The following PRKD1 variants were observed in gnomAD, a reference collection of about 807,000 sequenced individuals.
PRKD1 encodes protein kinase D1.
In PRKD1, 63 loss-of-function variants were observed where a neutral mutation model predicts 95.9. That is an observed-to-expected ratio of 0.66 (90% CI 0.54 to 0.81). PRKD1 has a LOEUF of 0.81. Among genes scored for constraint, PRKD1 ranks in the 30% least tolerant of loss-of-function variants. The probability of loss-of-function intolerance (pLI) is 0.00; values close to 1 mark genes in which losing one functional copy is unlikely to be tolerated. For synonymous variants in PRKD1, 425 were observed against 423.1 expected (o/e 1.00, Z -0.05); for missense variants, 1,048 against 1,165.3 (o/e 0.90, Z 1.47).
chr14:29,873,913 T>C (rs893086278), intron 1 of PRKD1, among the ~76,000 whole-genome samples: 3 of 152,132 alleles, frequency 2.0e-5, no homozygotes, highest in African/African-American at 7.2e-5. Context: ...TTTATGCCAC[T>C]AGTGTGTGTG....
In PRKD1 at chr14:29,775,233, G is replaced by A. The variant is rs574269532; in HGVS notation, c.265-49559C>T. Among the ~76,000 whole-genome samples, 226 of 152,324 alleles carry A rather than the reference G, an allele frequency of 1.5e-3. 2 individuals are homozygous for A. Among genetic ancestry groups the A allele is most frequent in the African/African-American group, 5.2e-3 (216 of 41,574 alleles). Reference sequence around the variant, plus strand: ...TCCCAGTGTGAGCGACGCAGAAGGCGGGTGATTTCTGCATTTCCAACTGAG... The same window carrying A: ...TCCCAGTGTGAGCGACGCAGAAGGCAGGTGATTTCTGCATTTCCAACTGAG... On this transcript the variant is annotated intron_variant, in intron 1 of 17. Transcript: ENST00000331968.
intron 1 of PRKD1, among the ~76,000 whole-genome samples, chr14:29,854,392 G>C (rs1044380503): frequency 6.6e-6 from 1 of 152,176 alleles, no homozygotes; most frequent in South Asian, 2.1e-4. Context: ...TAGTAAAGAT[G>C]CTGGTGGCAT....
At chr14:29,839,383 A>G (rs1365463142) in intron 1 of PRKD1, among the ~76,000 whole-genome samples, 1 of 152,230 alleles carries the variant, frequency 6.6e-6, no homozygotes, top group African/African-American at 2.4e-5. Flanking sequence ...TATCCTGAAA[A>G]CAAAGCACAA....
At chr14:29,710,609 C>T (rs1170846724) in intron 2 of PRKD1, among the ~76,000 whole-genome samples, 9 of 151,942 alleles carry the variant, frequency 5.9e-5, no homozygotes, top group Admixed American at 3.3e-4. Flanking sequence ...AATATAACAA[C>T]AAAATGTAAT....
chr14:29,649,238 G>A (rs1881334476), intron 4 of PRKD1, among the ~76,000 whole-genome samples: 1 of 152,070 alleles, frequency 6.6e-6, no homozygotes, highest in Admixed American at 6.6e-5. Flanking sequence ...CTGGAGGCGT[G>A]TATTTATTTG....
intron 4 of PRKD1, among the ~76,000 whole-genome samples, chr14:29,663,402 T>C (rs1176412705): frequency 6.6e-6 from 1 of 152,088 alleles, no homozygotes; most frequent in Non-Finnish European, 1.5e-5. Flanking sequence ...TTCCAAATTT[T>C]GACAAGCGAT....
At chr14:29,643,244 A>G (rs1231623357) in intron 4 of PRKD1, among the ~76,000 whole-genome samples, 4 of 152,042 alleles carry the variant, frequency 2.6e-5, no homozygotes, top group Non-Finnish European at 5.9e-5. Context: ...ATATGATGAC[A>G]AACATAAAGG....
chr14:29,883,690 G>T (rs1473836263), intron 1 of PRKD1, among the ~76,000 whole-genome samples: 1 of 152,136 alleles, frequency 6.6e-6, no homozygotes, highest in East Asian at 1.9e-4. Context: ...TTTATCTCAT[G>T]TTTGAATTTG....
intron 13 of PRKD1, among the ~76,000 whole-genome samples, chr14:29,609,158 A>C (rs1878240595): frequency 6.6e-6 from 1 of 152,196 alleles, no homozygotes; most frequent in Admixed American, 6.5e-5. Context: ...ATCCACTGGA[A>C]CTAGAGTATA....
intron 1 of PRKD1, among the ~76,000 whole-genome samples, chr14:29,910,689 T>C (rs1186017008): frequency 6.6e-6 from 1 of 152,080 alleles, no homozygotes; most frequent in Admixed American, 6.5e-5. Flanking sequence ...AGGAAGGAAT[T>C]TGAGACTTGT....
At chr14:29,785,320 T>C (rs572601858) in intron 1 of PRKD1, among the ~76,000 whole-genome samples, 5 of 152,242 alleles carry the variant, frequency 3.3e-5, no homozygotes, top group Non-Finnish European at 7.3e-5. Context: ...AAATTTATTT[T>C]TGTAGCTATT....
chr14:29,899,755 G>T (rs913664057), intron 1 of PRKD1, among the ~76,000 whole-genome samples: 7 of 152,202 alleles, frequency 4.6e-5, no homozygotes, highest in Admixed American at 4.6e-4. Context: ...TAACTAGCAT[G>T]GACTGACTGC....
chr14:29,605,721 C>A (rs1407379036), intron 13 of PRKD1, among the ~76,000 whole-genome samples: 3 of 152,204 alleles, frequency 2.0e-5, no homozygotes, highest in African/African-American at 4.8e-5. Flanking sequence ...CTGATACATA[C>A]TAAATATTCA....
intron 1 of PRKD1, among the ~76,000 whole-genome samples, chr14:29,874,558 C>G (rs1287372145): frequency 6.6e-6 from 1 of 152,164 alleles, no homozygotes; most frequent in Non-Finnish European, 1.5e-5. Context: ...CAGCACTATT[C>G]ACAACAGCAA....
chr14:29,578,773 C>T (rs45499699), intron 16 of PRKD1, among the ~76,000 whole-genome samples: 12 of 151,980 alleles, frequency 7.9e-5, no homozygotes, highest in South Asian at 2.1e-4. Context: ...ACATGCTGAA[C>T]GTTTGAATAC....
intron 1 of PRKD1, among the ~76,000 whole-genome samples, chr14:29,771,831 G>A (rs953704805): frequency 1.3e-5 from 2 of 152,244 alleles, no homozygotes; most frequent in East Asian, 1.9e-4. Context: ...TGGAATCTAA[G>A]AAGATTATTC....
intron 1 of PRKD1, among the ~76,000 whole-genome samples, chr14:29,880,760 C>A (rs990121123): frequency 6.6e-6 from 1 of 152,058 alleles, no homozygotes; most frequent in African/African-American, 2.4e-5. Flanking sequence ...CATGGGAACC[C>A]ACCTCTTCCA....
At chr14:29,626,462 A>C (rs771195364) in intron 12 of PRKD1, 22 bp downstream of exon 12, 3 of 1,586,716 alleles carry the variant, frequency 1.9e-6, no homozygotes, top group Non-Finnish European at 2.6e-6. Flanking sequence ...AGTTCATAAA[A>C]ATACTCAGTG....
intron 1 of PRKD1, among the ~76,000 whole-genome samples, chr14:29,792,792 A>C (rs2139197758): frequency 6.6e-6 from 1 of 152,262 alleles, no homozygotes; most frequent in East Asian, 1.9e-4. Flanking sequence ...AAAGTAAGTA[A>C]CATTATGGAA....
Sources: allele counts gnomAD v4.1 joint callset (sites outside exome capture counted in the v4.1 genomes callset), GRCh38; gene constraint gnomAD v4.1.1; transcripts MANE v1.5; gene names NCBI Gene and HGNC (gene_info 2026-07-23, HGNC 2026-07-21).